The following SDK1 variants were observed in gnomAD, a reference collection of about 807,000 sequenced individuals.
The protein encoded by SDK1 is sidekick cell adhesion molecule 1.
In SDK1, 157 loss-of-function variants were observed where a neutral mutation model predicts 245.5. The ratio of observed to expected loss-of-function variants is 0.64; its 90% CI spans 0.56 to 0.73. The LOEUF (loss-of-function observed/expected upper bound fraction) is 0.73. Among genes scored for constraint, SDK1 ranks in the 30% least tolerant of loss-of-function variants. The pLI is 0.00. For synonymous variants in SDK1, 1,647 were observed against 1,278.5 expected (o/e 1.29, Z -6.15); for missense variants, 3,583 against 3,002.3 (o/e 1.19, Z -4.52).
At chr7:3,409,267 TATG>T in intron 1 of SDK1, among the ~76,000 whole-genome samples, 1 of 151,116 alleles carries the variant, frequency 6.6e-6, no homozygotes, top group South Asian at 2.1e-4. Flanking sequence ...CCCTTTCCCT[TATG>T]ATGGTCTGTT....
intron 1 of SDK1, among the ~76,000 whole-genome samples, chr7:3,350,716 C>T (rs1049651222): frequency 2.0e-5 from 3 of 152,152 alleles, no homozygotes; most frequent in Non-Finnish European, 4.4e-5. Context: ...TTTCCTTCTA[C>T]AGTCACCAAT....
At chr7:3,930,758 A>T (rs897422292) in intron 5 of SDK1, among the ~76,000 whole-genome samples, 3 of 152,074 alleles carry the variant, frequency 2.0e-5, no homozygotes, top group Admixed American at 1.3e-4. Context: ...GCACCACTTC[A>T]CTCCAGCCTG....
intron 5 of SDK1, among the ~76,000 whole-genome samples, chr7:3,930,171 C>T (rs1395072727): frequency 6.6e-6 from 1 of 152,104 alleles, no homozygotes; most frequent in Non-Finnish European, 1.5e-5. Flanking sequence ...TGAGACTTCG[C>T]CTTTATAACC....
intron 20 of SDK1, among the ~76,000 whole-genome samples, chr7:4,068,513 G>T (rs903170927): frequency 6.6e-6 from 1 of 151,996 alleles, no homozygotes; most frequent in African/African-American, 2.4e-5. Context: ...TCTGACTCCA[G>T]ATCCCATGTT....
rs1025231907 is a variant in SDK1, at chr7:3,421,482, G to A, written c.298+119598G>A. Among the ~76,000 whole-genome samples, 9 of 151,994 alleles carry A rather than the reference G, an allele frequency of 5.9e-5. No homozygotes were observed. In the South Asian group the frequency reaches 1.0e-3, roughly 18 times the overall value. ...TTAAAACTGCATTTTTATAATTTTT[G>A]CTACTTGCTGATAGAAGACCTTTTG... On this transcript the variant is annotated intron_variant, in intron 1 of 44. Coordinates refer to ENST00000404826, the MANE Select transcript of SDK1 (RefSeq NM_152744.4).
intron 1 of SDK1, among the ~76,000 whole-genome samples, chr7:3,609,226 A>C (rs185525252): frequency 2.0e-5 from 3 of 152,302 alleles, no homozygotes; most frequent in Non-Finnish European, 4.4e-5. Flanking sequence ...ACAAGAATTT[A>C]GGTGTCCTTA....
intron 1 of SDK1, among the ~76,000 whole-genome samples, chr7:3,383,531 C>G (rs960863303): frequency 6.6e-6 from 1 of 152,106 alleles, no homozygotes; most frequent in East Asian, 1.9e-4. Context: ...AGATTTTGTG[C>G]TTATTTGAGA....
chr7:4,145,292 C>A (rs1312067457), intron 28 of SDK1, among the ~76,000 whole-genome samples: 1 of 152,116 alleles, frequency 6.6e-6, no homozygotes, highest in South Asian at 2.1e-4. Context: ...GAGCTGCTGT[C>A]CTGCCTGGGG....
intron 5 of SDK1, among the ~76,000 whole-genome samples, chr7:3,906,209 A>C (rs1049360270): frequency 2.1e-4 from 32 of 151,884 alleles, no homozygotes; most frequent in African/African-American, 7.3e-4. Flanking sequence ...TCCATTTGCT[A>C]CTCTTCAAAT....
chr7:3,567,547 A>G (rs916097803), intron 1 of SDK1, among the ~76,000 whole-genome samples: 1 of 152,228 alleles, frequency 6.6e-6, no homozygotes, highest in African/African-American at 2.4e-5. Flanking sequence ...AAAAAGGTAA[A>G]TGAGGTACAT....
At chr7:3,359,408 G>C (rs1780892838) in intron 1 of SDK1, among the ~76,000 whole-genome samples, 1 of 152,176 alleles carries the variant, frequency 6.6e-6, no homozygotes, top group Non-Finnish European at 1.5e-5. Flanking sequence ...ATGCAGAATT[G>C]AGAAATATGG....
intron 5 of SDK1, among the ~76,000 whole-genome samples, chr7:3,885,805 C>G: frequency 6.6e-6 from 1 of 152,292 alleles, no homozygotes; most frequent in East Asian, 1.9e-4. Flanking sequence ...TGTTTCCTCC[C>G]AAAGTTCAAA....
chr7:3,772,269 G>A (rs1442430268), intron 4 of SDK1, among the ~76,000 whole-genome samples: 6 of 149,636 alleles, frequency 4.0e-5, no homozygotes, highest in African/African-American at 7.4e-5. Flanking sequence ...TATATTCTAC[G>A]TCTGTTTTTC....
At chr7:3,485,427 C>G (rs1164597083) in intron 1 of SDK1, among the ~76,000 whole-genome samples, 1 of 152,000 alleles carries the variant, frequency 6.6e-6, no homozygotes, top group Admixed American at 6.5e-5. Flanking sequence ...AGTTCCAATG[C>G]CAAGTCCCAC....
intron 1 of SDK1, among the ~76,000 whole-genome samples, chr7:3,350,951 G>A (rs569274697): frequency 2.0e-5 from 3 of 152,254 alleles, no homozygotes; most frequent in Non-Finnish European, 4.4e-5. Context: ...TTATGGTAGG[G>A]TAAACACAAT....
At chr7:3,572,360 A>G (rs543253917) in intron 1 of SDK1, among the ~76,000 whole-genome samples, 38 of 152,120 alleles carry the variant, frequency 2.5e-4, no homozygotes, top group African/African-American at 8.7e-4. Flanking sequence ...CCCATTTGGG[A>G]TCAGGATCAT....
Position 4,149,461 on chromosome 7 carries a change from C to A in SDK1, c.4623C>A (p.Asp1541Glu). 1 of 1,502,540 alleles carries A rather than the reference C, an allele frequency of 6.7e-7. No individual in the cohort carries two copies. Among genetic ancestry groups the A allele is most frequent in the Non-Finnish European group, 8.9e-7 (1 of 1,124,558 alleles). 93.1% of individuals were successfully genotyped at this position (1,502,540 alleles called of 1,614,324 possible). A position where few individuals can be genotyped will look rare whatever the true frequency, so the allele number is the denominator to read the frequency against. The change falls in exon 30 of 45, where the codon GAC becomes GAA. Residue 1541 changes from aspartate to glutamate, a missense_variant and splice_region_variant. Asp to Glu is a conservative substitution (Grantham distance 45, BLOSUM62 2). Transcript: ENST00000404826. ...ISHEATACVVDRLRPFTSYKL... is the reference protein window; with the variant it reads ...ISHEATACVVERLRPFTSYKL... ...ATGAGGCGACAGCATGCGTCGTTGA[C>A]AGGTACTGAGAGAGCAGGAGCACCT...
intron 1 of SDK1, among the ~76,000 whole-genome samples, chr7:3,320,788 A>C (rs1779783387): frequency 6.6e-6 from 1 of 152,188 alleles, no homozygotes; most frequent in African/African-American, 2.4e-5. Context: ...GAGTGAGACC[A>C]AACTTTATAA....
chr7:3,539,927 A>G lies in SDK1; in HGVS notation c.299-79153A>G, dbSNP rs776993563. ...GCCTCATCTGATGGGAGCTGTTGCC[A>G]GCTGCAGCCAGTAGGCATAATGACA... On this transcript the variant is annotated intron_variant, in intron 1 of 44. Transcript: ENST00000404826. Among the ~76,000 whole-genome samples the G allele has an allele frequency of 4.2e-3, 637 of 152,330 alleles. 4 individuals are homozygous for G. The highest frequency in any genetic ancestry group is 7.5e-3 in the Non-Finnish European group (511 of 68,020).
Sources: allele counts gnomAD v4.1 joint callset (sites outside exome capture counted in the v4.1 genomes callset), GRCh38; gene constraint gnomAD v4.1.1; transcripts MANE v1.5; gene names NCBI Gene and HGNC (gene_info 2026-07-23, HGNC 2026-07-21).